TMEM236: variants seen among roughly 807,000 people sequenced by gnomAD.
TMEM236 encodes family with sequence similarity 23, member A.
TMEM236 carries 11 observed loss-of-function variants against 14.7 expected under a neutral mutation model. The observed-to-expected ratio is 0.75, with a 90% confidence interval of 0.47 to 1.24. The LOEUF is 1.24. Among genes scored for constraint, TMEM236 ranks in the 50% most tolerant of loss-of-function variants. TMEM236 has a pLI of 0.00. For missense variants in TMEM236, 464 were observed against 427.3 expected (o/e 1.09, Z -0.76); for synonymous variants, 182 against 168.6 (o/e 1.08, Z -0.62).
At chr10:17,771,534 G>A (rs879986486) in intron 2 of TMEM236, among the ~76,000 whole-genome samples, 153 bp downstream of exon 2, 14,011 of 152,268 alleles carry the variant, frequency 0.092, 677 homozygotes, top group Non-Finnish European at 0.1. Context: ...TTAAAGTACT[G>A]AGATCATTGT....
chr10:17,788,082 A>G (rs977581177), intron 3 of TMEM236, among the ~76,000 whole-genome samples: 36 of 150,254 alleles, frequency 2.4e-4, no homozygotes, highest in Non-Finnish European at 5.9e-5. Flanking sequence ...TATATTATAA[A>G]ATAAATAAAT....
Position 17,796,262 on chromosome 10 carries a change from T to C in TMEM236, c.814T>C (p.Phe272Leu). 2 of 1,613,924 alleles carry C rather than the reference T, an allele frequency of 1.2e-6. No homozygotes were observed. The highest frequency in any genetic ancestry group is 2.2e-5 in the South Asian group (2 of 91,068). The change falls in exon 4 of 4, where the codon TTC becomes CTC. Residue 272 changes from phenylalanine (F) to leucine (L), a missense_variant. Coordinates refer to ENST00000377495, the MANE Select transcript of TMEM236 (RefSeq NM_001098844.3). ...AAGCTGGCTATACCCAGTCTACATATTCAGTTTTATTTCTCTCCTTCGAAT... is the reference window on the plus strand; with the variant it reads ...AAGCTGGCTATACCCAGTCTACATACTCAGTTTTATTTCTCTCCTTCGAAT... ...KSSWLYPVYIFSFISLLRITF... is the reference protein window; with the variant it reads ...KSSWLYPVYILSFISLLRITF...
At chr10:17,785,823 A>AT (rs1185721247) in intron 3 of TMEM236, among the ~76,000 whole-genome samples, 4 of 151,766 alleles carry the variant, frequency 2.6e-5, no homozygotes, top group African/African-American at 9.7e-5. Flanking sequence ...TAGTTCTAGG[A>AT]TTTTTTTTCC....
intron 1 of TMEM236, among the ~76,000 whole-genome samples, chr10:17,754,357 G>A (rs1474512484): frequency 6.6e-6 from 1 of 152,100 alleles, no homozygotes; most frequent in Non-Finnish European, 1.5e-5. Flanking sequence ...GTGTGGCTCT[G>A]TTGCCCAGGT....
intron 3 of TMEM236, among the ~76,000 whole-genome samples, chr10:17,787,411 G>A (rs1837855572): frequency 3.9e-5 from 6 of 152,298 alleles, no homozygotes; most frequent in South Asian, 2.1e-4. Flanking sequence ...CTTGCTTAAG[G>A]GGCTCCCTCC....
At position 17,799,094 on chromosome 10, in the gene TMEM236, T is replaced by A. The variant is rs1838058805; in HGVS notation, c.*2590T>A. 5.6e-6 allele frequency: 1 copy of A among 177,792 alleles called. No individual in the cohort carries two copies. Among genetic ancestry groups the A allele is most frequent in the African/African-American group, 2.4e-5 (1 of 41,650 alleles). 11.0% of individuals were successfully genotyped at this position (177,792 alleles called of 1,614,324 possible). A position where few individuals can be genotyped will look rare whatever the true frequency, so the allele number is the denominator to read the frequency against. The stretch of plus-strand genomic sequence containing the variant: ...ATATAAATTAAAATGGACACAAGCC[T>A]TCATTCATCAGACATTTGAGTGTCT... On this transcript the variant is annotated 3_prime_UTR_variant, in exon 4 of 4. Transcript: ENST00000377495.
rs1020441279 is a variant in TMEM236, at chr10:17,796,327, C to T, written c.879C>T (p.Ser293=). ...AAAACCCTCTTCTCAATTCCCTGAG[C>T]GTCCTGCTGCAAGATTTACCATTCG... The part of the protein sequence containing the change: ...TPQNPLLNSL[S]VLLQDLPFVF... Residue 293 remains serine (S), a synonymous_variant, in exon 4 of 4, where the codon AGC becomes AGT. Coordinates refer to ENST00000377495, the MANE Select transcript of TMEM236 (RefSeq NM_001098844.3). 2,357 of 1,613,908 alleles carry T rather than the reference C, an allele frequency of 1.5e-3. 6 individuals are homozygous for T. Among genetic ancestry groups the T allele is most frequent in the Non-Finnish European group, 1.5e-3 (1,740 of 1,179,852 alleles).
At chr10:17,790,403 G>C (rs1005316990) in intron 3 of TMEM236, among the ~76,000 whole-genome samples, 2 of 151,656 alleles carry the variant, frequency 1.3e-5, no homozygotes, top group South Asian at 4.2e-4. Flanking sequence ...TTGAGACAGG[G>C]AATAAACGAA....
rs1366422131 is a variant in TMEM236 at position 17,775,827 on chromosome 10, C to G, written c.331-202C>G. 5.3e-5 allele frequency among the ~76,000 whole-genome samples: 8 copies of G among 152,274 alleles called. No homozygotes were observed. The South Asian group carries it at 1.7e-3, about 32-fold the overall frequency. ...TCTGTCTTTAACTGAAAATATGCTTCCATTGATATGAGTCCTTATGACAGC... is the reference window on the plus strand; with the variant it reads ...TCTGTCTTTAACTGAAAATATGCTTGCATTGATATGAGTCCTTATGACAGC... On this transcript the variant is annotated intron_variant, in intron 2 of 3. Coordinates refer to ENST00000377495, the MANE Select transcript of TMEM236 (RefSeq NM_001098844.3).
In TMEM236 at chr10:17,776,815, C is replaced by A. The variant is rs1054434596; in HGVS notation, c.472+645C>A. ...GAAAACTCAACAAGATGTGTCACAT[C>A]TCCTCCAAAGTGATGAGTTGAAACT... On this transcript the variant is annotated intron_variant, in intron 3 of 3. Coordinates refer to ENST00000377495, the MANE Select transcript of TMEM236 (RefSeq NM_001098844.3). Among the ~76,000 whole-genome samples, 397 of 152,330 alleles carry A rather than the reference C, an allele frequency of 2.6e-3. 2 individuals are homozygous for A. Among genetic ancestry groups the A allele is most frequent in the Non-Finnish European group, 4.6e-3 (311 of 68,044 alleles).
chr10:17,754,077 C>T (rs1837248320), intron 1 of TMEM236, among the ~76,000 whole-genome samples: 1 of 152,150 alleles, frequency 6.6e-6, no homozygotes, highest in Non-Finnish European at 1.5e-5. Flanking sequence ...GGAGTTTGTG[C>T]CAGTTCATGC....
intron 3 of TMEM236, among the ~76,000 whole-genome samples, chr10:17,781,038 C>CT (rs1837738919): frequency 6.6e-6 from 1 of 152,150 alleles, no homozygotes; most frequent in Non-Finnish European, 1.5e-5. Flanking sequence ...GTTGCCTGCT[C>CT]CTCACTGTAC....
chr10:17,776,140 A>AG lies in TMEM236; in HGVS notation c.444dup (p.Ile149AspfsTer5). 2 of 1,613,598 alleles carry AG rather than the reference A, an allele frequency of 1.2e-6. No individual in the cohort carries two copies. Among genetic ancestry groups the AG allele is most frequent in the Non-Finnish European group, 1.7e-6 (2 of 1,179,540 alleles). On this transcript the variant is annotated frameshift_variant, in exon 3 of 4. Coordinates refer to ENST00000377495, the MANE Select transcript of TMEM236 (RefSeq NM_001098844.3). LOFTEE classifies it low-confidence loss of function (END_TRUNC). ...CATGGTTGATATTATTGAAAAACTC[A>AG]GGATATATCCTCTTAGAGGGAGTCA...
rs1392446780 is a variant in TMEM236, at chr10:17,800,343, AAGT to A, written c.*3843_*3845del. On this transcript the variant is annotated 3_prime_UTR_variant, in exon 4 of 4. Transcript: ENST00000377495. Reference sequence around the variant, plus strand: ...ATAATTTTATTGCATTATAATTATAAAGTAGTTTTATAATTTTATAAAATTTTA... The same window carrying A: ...ATAATTTTATTGCATTATAATTATAAAGTTTTATAATTTTATAAAATTTTA... The A allele has an allele frequency of 1.3e-5, 2 of 151,910 alleles. No homozygotes were observed. The highest frequency in any genetic ancestry group is 3.4e-3 in the Middle Eastern group (1 of 292). 9.4% of individuals were successfully genotyped at this position (151,910 alleles called of 1,614,324 possible).
Position 17,752,308 on chromosome 10 carries a change from A to G in TMEM236, c.13A>G (p.Arg5Gly). The G allele has an allele frequency of 6.2e-7, 1 of 1,613,894 alleles. No individual in the cohort carries two copies. The highest frequency in any genetic ancestry group is 8.5e-7 in the Non-Finnish European group (1 of 1,179,844). Residue 5 changes from arginine (R) to glycine (G), a missense_variant, in exon 1 of 4, where the codon AGG becomes GGG. Arg to Gly is a moderately radical substitution (Grantham distance 125). Transcript: ENST00000377495. MASG[R>G]LIKFVVFELL... ...GCTTTTCCTCAGGATGGCTTCTGGA[A>G]GGCTCATTAAGTTCGTGGTTTTTGA... is the stretch of plus-strand genomic sequence containing the variant.
rs1297497582 is a variant in TMEM236, at chr10:17,761,693, CA to C, written c.257+9159del. 8.7e-3 allele frequency among the ~76,000 whole-genome samples: 992 copies of C among 114,062 alleles called. 8 individuals are homozygous for C. The highest frequency in any genetic ancestry group is 0.03 in the African/African-American group (912 of 30,150). 74.8% of individuals were successfully genotyped at this position (114,062 alleles called of 152,430 possible). ...TGGGTGACAGAGTGAGACTATGTCT[CA>C]AAAAAAAAAAAAAAAAAGAAAAGGA... is the stretch of plus-strand genomic sequence containing the variant. On this transcript the variant is annotated intron_variant, in intron 1 of 3. Coordinates refer to ENST00000377495, the MANE Select transcript of TMEM236 (RefSeq NM_001098844.3).
At chr10:17,762,521 G>A (rs1173687618) in intron 1 of TMEM236, among the ~76,000 whole-genome samples, 1 of 145,166 alleles carries the variant, frequency 6.9e-6, no homozygotes, top group Non-Finnish European at 1.5e-5. Context: ...AGTGATCCAT[G>A]AGTCTGCTCT....
chr10:17,796,700 A>G lies in TMEM236; in HGVS notation c.*196A>G. On this transcript the variant is annotated 3_prime_UTR_variant, in exon 4 of 4. Coordinates refer to ENST00000377495, the MANE Select transcript of TMEM236 (RefSeq NM_001098844.3). ...AATGGTGCTAAATTTAAGTAAAGTA[A>G]TATTCTTATAAGTTGGCTCTCAGGT... is the stretch of plus-strand genomic sequence containing the variant. The G allele has an allele frequency of 1.7e-6, 1 of 599,218 alleles. No homozygotes were observed. The highest frequency in any genetic ancestry group is 3.1e-5 in the Admixed American group (1 of 32,548). The allele number at this position is 599,218 out of a possible 1,614,324, so 37.1% of individuals were successfully genotyped here.
chr10:17,787,859 A>G (rs1022194255), intron 3 of TMEM236, among the ~76,000 whole-genome samples: 2,210 of 151,590 alleles, frequency 0.015, 76 homozygotes, highest in African/African-American at 0.05. Flanking sequence ...TCTGTCATCC[A>G]CTCCTGCTGG....
Sources: allele counts gnomAD v4.1 joint callset (sites outside exome capture counted in the v4.1 genomes callset), GRCh38; gene constraint gnomAD v4.1.1; transcripts MANE v1.5; gene names NCBI Gene and HGNC (gene_info 2026-07-23, HGNC 2026-07-21).